ZNF516: variants seen among roughly 807,000 people sequenced by gnomAD.
ZNF516 encodes zinc finger protein 516.
A neutral mutation model predicts 79.7 loss-of-function variants in ZNF516; 19 were observed. The ratio of observed to expected loss-of-function variants is 0.24; its 90% CI spans 0.17 to 0.35. The LOEUF (loss-of-function observed/expected upper bound fraction) is 0.35. Ranked by LOEUF, ZNF516 falls within the 10% of genes least tolerant of loss-of-function variation. ZNF516 has a pLI of 1.00. For synonymous variants in ZNF516, 877 were observed against 739.5 expected (o/e 1.19, Z -3.02); for missense variants, 1,678 against 1,679.5 (o/e 1.00, Z 0.02).
At chr18:76,424,213 T>G (rs71354500) in intron 3 of ZNF516, among the ~76,000 whole-genome samples, 14,333 of 14,372 alleles carry the variant, frequency 1, 7,154 homozygotes, top group Middle Eastern at 1. Context: ...AAACACACAC[T>G]CAGGTGAAAA....
At chr18:76,431,405 TTAAGAACTGACTGAGCC>T (rs1456372694) in intron 3 of ZNF516, among the ~76,000 whole-genome samples, 1 of 152,186 alleles carries the variant, frequency 6.6e-6, no homozygotes, top group Admixed American at 6.5e-5. Flanking sequence ...ACAGATTCCT[TTAAGAACTGACTGAGCC>T]TAAGTCATAC....
intron 1 of ZNF516, among the ~76,000 whole-genome samples, chr18:76,466,931 G>A (rs1262485861): frequency 6.6e-6 from 1 of 152,218 alleles, no homozygotes; most frequent in African/African-American, 2.4e-5. Context: ...GGGATGCCCT[G>A]GGGCAGGACC....
chr18:76,493,239 A>C lies in ZNF516; in HGVS notation c.-272+1905T>G. The C allele has an allele frequency of 1.1e-6, 1 of 950,830 alleles. No homozygotes were observed. Among genetic ancestry groups the C allele is most frequent in the South Asian group, 4.9e-5 (1 of 20,464 alleles). 58.9% of individuals were successfully genotyped at this position (950,830 alleles called of 1,614,324 possible). On this transcript the variant is annotated intron_variant, in intron 1 of 6. Coordinates refer to ENST00000443185, the MANE Select transcript of ZNF516 (RefSeq NM_014643.4). This position sits in a 1 kb window ranked among gnomAD's most constrained non-coding sequence, Gnocchi z 5.2. Reference sequence around the variant, plus strand: ...CGATATCCATTTAAATATATTTTGTACTTCCACAAAGGATGGAAAGGGAAA... The same window carrying C: ...CGATATCCATTTAAATATATTTTGTCCTTCCACAAAGGATGGAAAGGGAAA...
chr18:76,402,253 C>A (rs567069926), intron 3 of ZNF516, among the ~76,000 whole-genome samples: 71 of 152,350 alleles, frequency 4.7e-4, no homozygotes, highest in South Asian at 2.3e-3. Flanking sequence ...GAGGCACACA[C>A]TGGGCTGTCC....
Position 76,486,511 on chromosome 18 carries a change from C to A in ZNF516, c.-272+8633G>T, listed in dbSNP as rs140260773. 1.8e-3 allele frequency among the ~76,000 whole-genome samples: 271 copies of A among 152,112 alleles called. 3 individuals are homozygous for A. Among genetic ancestry groups the A allele is most frequent in the African/African-American group, 6.1e-3 (251 of 41,480 alleles). ...AGAAATTATAGTTTTAATAGAGAAC[C>A]TTGATTTTTTAAGCCTGTCTTTAAC... is the stretch of plus-strand genomic sequence containing the variant. On this transcript the variant is annotated intron_variant, in intron 1 of 6. Coordinates refer to ENST00000443185, the MANE Select transcript of ZNF516 (RefSeq NM_014643.4).
chr18:76,401,484 C>A (rs1366066590), intron 3 of ZNF516, among the ~76,000 whole-genome samples: 2 of 152,096 alleles, frequency 1.3e-5, no homozygotes, highest in Non-Finnish European at 2.9e-5. Context: ...GCTAAGTAAG[C>A]TGTTTTCCAT....
chr18:76,384,614 CT>C (rs902927854), intron 3 of ZNF516, among the ~76,000 whole-genome samples: 1 of 149,606 alleles, frequency 6.7e-6, no homozygotes, highest in South Asian at 2.2e-4. Context: ...CCCACCCCCC[CT>C]ACAGTTGGGA....
chr18:76,360,782 T>TAATAAC lies in ZNF516; in HGVS notation c.*1710_*1715dup, dbSNP rs1023275802. ...AGTAGAATCCAGAACCAAACATTAC[T>TAATAAC]AATAACAATAACAATAATAATAATA... On this transcript the variant is annotated 3_prime_UTR_variant, in exon 7 of 7. Coordinates refer to ENST00000443185, the MANE Select transcript of ZNF516 (RefSeq NM_014643.4). The TAATAAC allele has an allele frequency of 3.2e-4, 45 of 140,544 alleles. No homozygotes were observed. The highest frequency in any genetic ancestry group is 7.1e-5 in the Admixed American group (1 of 14,060). The allele number at this position is 140,544 out of a possible 1,614,324, so 8.7% of individuals were successfully genotyped here. A position where few individuals can be genotyped will look rare whatever the true frequency, so the allele number is the denominator to read the frequency against.
At chr18:76,418,916 G>C (rs1346044598) in intron 3 of ZNF516, among the ~76,000 whole-genome samples, 1 of 152,266 alleles carries the variant, frequency 6.6e-6, no homozygotes, top group Admixed American at 6.5e-5. Context: ...CTGCAGGGCA[G>C]ATGGGTGCCC....
intron 1 of ZNF516, among the ~76,000 whole-genome samples, chr18:76,468,479 C>T (rs1277744197): frequency 6.8e-6 from 1 of 146,482 alleles, no homozygotes; most frequent in East Asian, 2.0e-4. Flanking sequence ...TGCAGTGGTG[C>T]AACCTTGGCT....
intron 2 of ZNF516, among the ~76,000 whole-genome samples, chr18:76,447,055 A>T (rs560143839): frequency 6.6e-6 from 1 of 152,328 alleles, no homozygotes; most frequent in South Asian, 2.1e-4. Context: ...AACAGTCAAA[A>T]ATTAATTCCC....
At chr18:76,369,345 G>T (rs1236987708) in intron 6 of ZNF516, among the ~76,000 whole-genome samples, 2 of 151,974 alleles carry the variant, frequency 1.3e-5, no homozygotes, top group East Asian at 3.9e-4. Context: ...GTAATAAATG[G>T]CAAGGGTTTT....
chr18:76,364,904 G>A (rs1016409920), intron 6 of ZNF516, among the ~76,000 whole-genome samples: 2 of 152,224 alleles, frequency 1.3e-5, no homozygotes, highest in African/African-American at 4.8e-5. Flanking sequence ...TCTAATTCAT[G>A]ATTTTTGGTA....
At chr18:76,374,003 A>G (rs1167726816) in intron 4 of ZNF516, among the ~76,000 whole-genome samples, 2 of 152,256 alleles carry the variant, frequency 1.3e-5, no homozygotes, top group Admixed American at 6.5e-5. Flanking sequence ...GGCCTGGCCA[A>G]CTTCAGAGAG....
intron 3 of ZNF516, among the ~76,000 whole-genome samples, chr18:76,438,667 G>A (rs2075776401): frequency 6.6e-6 from 1 of 152,054 alleles, no homozygotes; most frequent in South Asian, 2.1e-4. Context: ...ACATTCAACT[G>A]ACGAAACATG....
chr18:76,486,042 G>A (rs1231830313), intron 1 of ZNF516, among the ~76,000 whole-genome samples: 1 of 152,002 alleles, frequency 6.6e-6, no homozygotes, highest in African/African-American at 2.4e-5. Flanking sequence ...ACCCCCAGAA[G>A]TCTTAACTAC....
At chr18:76,472,133 C>T (rs1199247276) in intron 1 of ZNF516, among the ~76,000 whole-genome samples, 2 of 152,218 alleles carry the variant, frequency 1.3e-5, no homozygotes, top group African/African-American at 2.4e-5. Context: ...AACCTCCTGC[C>T]GGTCCCTTGG....
intron 1 of ZNF516, chr18:76,490,277 C>A: frequency 1.2e-6 from 1 of 842,642 alleles, no homozygotes; most frequent in Non-Finnish European, 1.4e-6. Flanking sequence ...CTTCACTCTC[C>A]AATTTTACTA....
intron 3 of ZNF516, among the ~76,000 whole-genome samples, chr18:76,416,729 G>C (rs1288052888): frequency 6.6e-6 from 1 of 152,120 alleles, no homozygotes; most frequent in Non-Finnish European, 1.5e-5. Flanking sequence ...AAAACCTTGA[G>C]AAACTTCAGT....
Sources: allele counts gnomAD v4.1 joint callset (sites outside exome capture counted in the v4.1 genomes callset), GRCh38; gene constraint gnomAD v4.1.1; non-coding constraint Gnocchi (gnomAD v3.1); transcripts MANE v1.5; gene names NCBI Gene and HGNC (gene_info 2026-07-23, HGNC 2026-07-21).